The following PLK5 variants were observed in gnomAD, a reference collection of about 807,000 sequenced individuals.
PLK5 encodes the protein inactive serine/threonine-protein kinase PLK5.
In PLK5, 28 loss-of-function variants were observed where a neutral mutation model predicts 33.7. The observed-to-expected ratio is 0.83, with a 90% CI of 0.62 to 1.14. PLK5 has a LOEUF of 1.14. PLK5 is among the 50% of genes most tolerant of loss of function. The pLI is 0.00. For missense variants in PLK5, 492 were observed against 461.5 expected, an observed-to-expected ratio of 1.07 and a Z score of -0.61; for synonymous variants, 225 against 202.2, an observed-to-expected ratio of 1.11 and a Z score of -0.96.
chr19:1,530,808 C>T (rs901268324), intron 11 of PLK5, among the ~76,000 whole-genome samples: 19 of 151,224 alleles, frequency 1.3e-4, no homozygotes, highest in Admixed American at 2.6e-4. Context: ...ATAGTAGAGA[C>T]GGGGTTTCAC....
intron 12 of PLK5, chr19:1,533,657 C>CA: frequency 1.8e-6 from 1 of 556,700 alleles, no homozygotes; most frequent in Non-Finnish European, 3.2e-6. Context: ...GGGTGTAGGT[C>CA]AATGGAAGGG....
chr19:1,534,611 C>G (rs1914035317), intron 13 of PLK5, among the ~76,000 whole-genome samples: 2 of 149,752 alleles, frequency 1.3e-5, no homozygotes, highest in South Asian at 4.2e-4. Flanking sequence ...AGAGACCATC[C>G]TGCCTAACAC....
Position 1,529,882 on chromosome 19 carries a change from C to A in PLK5, c.568+58C>A, listed in dbSNP as rs891964905. On this transcript the variant is annotated intron_variant, in intron 11 of 13. Coordinates refer to ENST00000454744, the MANE Select transcript of PLK5 (RefSeq NM_001243079.2). Reference sequence around the variant, plus strand: ...TACTCTTACTAGCCAAGTAAAATTGCCTTCATTCCCATCCTGGGCCCTCCT... The same window carrying A: ...TACTCTTACTAGCCAAGTAAAATTGACTTCATTCCCATCCTGGGCCCTCCT... 2.7e-6 allele frequency: 4 copies of A among 1,488,268 alleles called. No individual in the cohort carries two copies. In the African/African-American group the frequency reaches 4.2e-5, roughly 16 times the overall value. The allele number at this position is 1,488,268 out of a possible 1,614,324, so 92.2% of individuals were successfully genotyped here. A position where few individuals can be genotyped will look rare whatever the true frequency, so the allele number is the denominator to read the frequency against.
intron 6 of PLK5, 31 bp downstream of exon 6, chr19:1,527,029 G>A: frequency 8.5e-7 from 1 of 1,173,498 alleles, no homozygotes. Context: ...GGTGGGCAGG[G>A]CCTCCGGGGG....
rs1599302976 is a variant in PLK5, at chr19:1,526,894, C to G, written c.-94-9C>G. The G allele has an allele frequency of 7.1e-7, 1 of 1,403,600 alleles. No individual in the cohort carries two copies. Among genetic ancestry groups the G allele is most frequent in the Non-Finnish European group, 9.7e-7 (1 of 1,027,266 alleles). The allele number at this position is 1,403,600 out of a possible 1,614,324, so 86.9% of individuals were successfully genotyped here. A position where few individuals can be genotyped will look rare whatever the true frequency, so the allele number is the denominator to read the frequency against. ...AGCCTTCCTGAGCCCCCCATGACGC[C>G]CTTCCTAGAGTACTCTGTGGGACCC... On this transcript the variant is annotated splice_polypyrimidine_tract_variant and intron_variant, in intron 5 of 13. Coordinates refer to ENST00000454744, the MANE Select transcript of PLK5 (RefSeq NM_001243079.2).
chr19:1,532,399 C>T (rs1006818941), intron 12 of PLK5, among the ~76,000 whole-genome samples: 4 of 151,468 alleles, frequency 2.6e-5, no homozygotes, highest in African/African-American at 7.3e-5. Flanking sequence ...ATTAGCTGGG[C>T]GTGGTGGTGC....
intron 13 of PLK5, among the ~76,000 whole-genome samples, chr19:1,534,536 T>G (rs909377859): frequency 3.1e-5 from 4 of 129,842 alleles, no homozygotes; most frequent in East Asian, 2.2e-4. Flanking sequence ...CCGGGCACGG[T>G]GGCTCACGCC....
chr19:1,526,649 C>G, intron 4 of PLK5, 34 bp downstream of exon 4: 3 of 360,750 alleles, frequency 8.3e-6, no homozygotes, highest in South Asian at 2.5e-5. Context: ...TGGGCGGGGG[C>G]GTCGGGAGGT....
chr19:1,529,276 A>G lies in PLK5; in HGVS notation c.406-130A>G, dbSNP rs1026444704. The G allele has an allele frequency of 5.0e-6, 4 of 807,560 alleles. No homozygotes were observed. In the African/African-American group the frequency reaches 5.2e-5, roughly 10 times the overall value. The allele number at this position is 807,560 out of a possible 1,614,324, so 50.0% of individuals were successfully genotyped here. A position where few individuals can be genotyped will look rare whatever the true frequency, so the allele number is the denominator to read the frequency against. The stretch of plus-strand genomic sequence containing the variant: ...CCGAGACACTCCGAGGCTGCCTCCC[A>G]AGGGGAAAGCAGTGCCTCTGTGTGC... On this transcript the variant is annotated intron_variant, in intron 9 of 13. Transcript: ENST00000454744.
intron 9 of PLK5, 32 bp downstream of exon 9, chr19:1,529,006 C>A: frequency 6.8e-7 from 1 of 1,468,298 alleles, no homozygotes; most frequent in Non-Finnish European, 9.0e-7. Flanking sequence ...CACGGGGAGA[C>A]ACAGGTGGAG....
chr19:1,526,857 C>G, intron 5 of PLK5, 46 bp from the exon 6 acceptor site: 2 of 1,084,366 alleles, frequency 1.8e-6, no homozygotes, highest in Non-Finnish European at 2.7e-6. Flanking sequence ...TGAAGTCTGG[C>G]ACGGGGATCC....
At position 1,527,958 on chromosome 19, in the gene PLK5, C is replaced by A; in HGVS notation, c.25C>A (p.Pro9Thr). ...CAGGTACACGGTGCTGACTGGCACC[C>A]CACCCTTCATGGCCTCACCCCTGTC... MYTVLTGT[P>T]PFMASPLSEM... Residue 9 changes from proline (P) to threonine (T), a missense_variant, in exon 7 of 14, where the codon CCA (proline) becomes ACA (threonine). Physicochemically the swap from Pro to Thr is conservative, Grantham distance 38. Coordinates refer to ENST00000454744, the MANE Select transcript of PLK5 (RefSeq NM_001243079.2). 6.5e-7 allele frequency: 1 copy of A among 1,535,748 alleles called. No homozygotes were observed. The highest frequency in any genetic ancestry group is 8.7e-7 in the Non-Finnish European group (1 of 1,146,624).
chr19:1,534,154 G>GAA lies in PLK5; in HGVS notation c.825+113_825+114insAA, dbSNP rs1914017515. On this transcript the variant is annotated intron_variant, in intron 13 of 13. Coordinates refer to ENST00000454744, the MANE Select transcript of PLK5 (RefSeq NM_001243079.2). ...AGCCTTAGGAAGCATTTGCCTCCCA[G>GAA]GAAAAAAAAAAAAAAAAAAGGTATT... 1.4e-4 allele frequency: 66 copies of GAA among 461,764 alleles called. 1 individual carries two copies. Among genetic ancestry groups the GAA allele is most frequent in the South Asian group, 5.9e-4 (16 of 27,240 alleles). The allele number at this position is 461,764 out of a possible 1,614,324, so 28.6% of individuals were successfully genotyped here. A position where few individuals can be genotyped will look rare whatever the true frequency, so the allele number is the denominator to read the frequency against.
intron 3 of PLK5, among the ~76,000 whole-genome samples, chr19:1,526,101 C>T (rs375727512): frequency 2.0e-5 from 3 of 152,322 alleles, no homozygotes; most frequent in Admixed American, 6.5e-5. Flanking sequence ...CTGTGCCCAC[C>T]GTGGCCGTGA....
intron 13 of PLK5, among the ~76,000 whole-genome samples, chr19:1,534,604 G>C: frequency 6.8e-6 from 1 of 147,942 alleles, no homozygotes; most frequent in Non-Finnish European, 1.5e-5. Context: ...AGGAGATAGA[G>C]ACCATCCTGC....
intron 6 of PLK5, 115 bp from the exon 7 acceptor site, chr19:1,527,821 G>A (rs2145541170): frequency 9.3e-7 from 1 of 1,070,178 alleles, no homozygotes; most frequent in African/African-American, 1.6e-5. Context: ...GTTGGGAGAT[G>A]AGGAAGCCGA....
At chr19:1,529,850 TCAC>T in intron 11 of PLK5, 26 bp downstream of exon 11, 2 of 1,526,982 alleles carry the variant, frequency 1.3e-6, no homozygotes, top group Non-Finnish European at 1.8e-6. Flanking sequence ...GCCCCCAGGA[TCAC>T]CTTTACTCTT....
intron 6 of PLK5, 54 bp downstream of exon 6, chr19:1,527,052 C>G (rs1375512875): frequency 2.1e-3 from 1,768 of 841,580 alleles, no homozygotes; most frequent in Admixed American, 3.4e-3. Flanking sequence ...GCAGGTGTGG[C>G]GGGGGGGGAG....
rs1488265234 is a variant in PLK5 at position 1,524,113 on chromosome 19, G to A, written c.-677G>A. 1 of 151,060 alleles carries A rather than the reference G, an allele frequency of 6.6e-6. No individual in the cohort carries two copies. Among genetic ancestry groups the A allele is most frequent in the African/African-American group, 2.4e-5 (1 of 41,314 alleles). The allele number at this position is 151,060 out of a possible 1,614,324, so 9.4% of individuals were successfully genotyped here. A position where few individuals can be genotyped will look rare whatever the true frequency, so the allele number is the denominator to read the frequency against. On this transcript the variant is annotated 5_prime_UTR_variant, in exon 1 of 14. Transcript: ENST00000454744. This position sits in a 1 kb window ranked among gnomAD's most constrained non-coding sequence, Gnocchi z 4.5. ...GGAGCGGCCGCAGCGCGGTGGTCTC[G>A]GCCCGGCTGCGCCAGAGTCCGCGCG... is the stretch of plus-strand genomic sequence containing the variant.
Sources: allele counts gnomAD v4.1 joint callset (sites outside exome capture counted in the v4.1 genomes callset), GRCh38; gene constraint gnomAD v4.1.1; non-coding constraint Gnocchi (gnomAD v3.1); transcripts MANE v1.5; gene names NCBI Gene and HGNC (gene_info 2026-07-23, HGNC 2026-07-21).